FOXJ3: variants seen among roughly 807,000 people sequenced by gnomAD.
FOXJ3 encodes forkhead box J3.
In FOXJ3, 22 loss-of-function variants were observed where a neutral mutation model predicts 76.1. The observed-to-expected ratio is 0.29, with a 90% CI of 0.21 to 0.41. The LOEUF (loss-of-function observed/expected upper bound fraction) is 0.41, where lower values mean the gene tolerates loss of function less well. FOXJ3 is among the 10% of genes least tolerant of loss of function. The probability of loss-of-function intolerance (pLI) is 1.00; values close to 1 mark genes in which losing one functional copy is unlikely to be tolerated. For synonymous variants in FOXJ3, 269 were observed against 261.2 expected (o/e 1.03, Z -0.29); for missense variants, 613 against 762.1 (o/e 0.80, Z 2.30).
At chr1:42,187,819 G>A (rs1488437741) in intron 11 of FOXJ3, among the ~76,000 whole-genome samples, 1 of 152,212 alleles carries the variant, frequency 6.6e-6, no homozygotes, top group East Asian at 1.9e-4. Context: ...GAATCAAATA[G>A]TGACTGAAGG....
At position 42,244,460 on chromosome 1, in the gene FOXJ3, T is replaced by C. The variant is rs567528056; in HGVS notation, c.445-16494A>G. Among the ~76,000 whole-genome samples, 452 of 152,226 alleles carry C rather than the reference T, an allele frequency of 3.0e-3. 2 individuals are homozygous for C. Among genetic ancestry groups the C allele is most frequent in the Non-Finnish European group, 4.1e-3 (279 of 68,008 alleles). ...TTAGTCCTGGAGTTCATGGCTGCAA[T>C]GAGCTAGGATCGTGTCACTTCCCTC... On this transcript the variant is annotated intron_variant, in intron 4 of 12. Transcript: ENST00000361346.
rs1461362262 is a variant in FOXJ3 at position 42,220,668 on chromosome 1, C to T, written c.528+7215G>A. 7.9e-5 allele frequency among the ~76,000 whole-genome samples: 12 copies of T among 152,288 alleles called. No individual in the cohort carries two copies. The East Asian group carries it at 9.6e-4, about 12-fold the overall frequency. ...AGAACCGATGGATAAACATCCCACT[C>T]GTTGGCCTGCAGTTCTAAACTGCCT... On this transcript the variant is annotated intron_variant, in intron 5 of 12. Transcript: ENST00000361346.
intron 2 of FOXJ3, among the ~76,000 whole-genome samples, chr1:42,308,902 T>C (rs1333103085): frequency 2.0e-5 from 3 of 150,718 alleles, no homozygotes; most frequent in Non-Finnish European, 4.4e-5. Context: ...GTCAATTACA[T>C]TAATATATGA....
In FOXJ3 at chr1:42,291,087, C is replaced by CAGACAGAT. The variant is rs1553167266; in HGVS notation, c.45-12416_45-12415insATCTGTCT. Among the ~76,000 whole-genome samples the CAGACAGAT allele has an allele frequency of 2.3e-3, 328 of 140,818 alleles. 1 individual carries two copies. Among genetic ancestry groups the CAGACAGAT allele is most frequent in the African/African-American group, 8.6e-3 (313 of 36,598 alleles). 92.4% of individuals were successfully genotyped at this position (140,818 alleles called of 152,430 possible). On this transcript the variant is annotated intron_variant, in intron 2 of 12. Transcript: ENST00000361346. Reference sequence around the variant, plus strand: ...ATAGATAGATAGATAGATAGATAGACAGACAGACAGACAGATAGATCCACA... The same window carrying CAGACAGAT: ...ATAGATAGATAGATAGATAGATAGACAGACAGATAGACAGACAGACAGATAGATCCACA...
rs571197942 is a variant in FOXJ3, at chr1:42,278,524, T to G, written c.193A>C (p.Thr65Pro). The G allele has an allele frequency of 6.2e-7, 1 of 1,614,104 alleles. No homozygotes were observed. The highest frequency in any genetic ancestry group is 8.5e-7 in the Non-Finnish European group (1 of 1,180,018). ...KKNALLDPNT[T>P]LDQEEVQQHK... ...TGTTGGACTTCTTCCTGGTCCAGAG[T>G]TGTATTTGGGTCAAGGAGTGCATTC... Residue 65 changes from threonine (T) to proline (P), a missense_variant, in exon 3 of 13, where the codon ACT becomes CCT. Transcript: ENST00000361346.
intron 1 of FOXJ3, among the ~76,000 whole-genome samples, chr1:42,332,736 G>A (rs1656234560): frequency 6.6e-6 from 1 of 152,124 alleles, no homozygotes; most frequent in Non-Finnish European, 1.5e-5. Flanking sequence ...CACCAACACA[G>A]ATGATCTGAC....
At chr1:42,264,481 A>G (rs1253045747) in intron 4 of FOXJ3, among the ~76,000 whole-genome samples, 2 of 152,064 alleles carry the variant, frequency 1.3e-5, no homozygotes, top group African/African-American at 4.8e-5. Context: ...CTTCCCAATA[A>G]ATACACTGTC....
At chr1:42,262,827 C>A (rs992609108) in intron 4 of FOXJ3, among the ~76,000 whole-genome samples, 9 of 152,152 alleles carry the variant, frequency 5.9e-5, no homozygotes, top group African/African-American at 2.2e-4. Context: ...CCAGCCTGGG[C>A]AACAGAGTGA....
chr1:42,268,731 G>GGTAAAGTGCA (rs1651657249), intron 3 of FOXJ3, among the ~76,000 whole-genome samples: 1 of 152,068 alleles, frequency 6.6e-6, no homozygotes, highest in Non-Finnish European at 1.5e-5. Context: ...ACTATTTGAA[G>GGTAAAGTGCA]GTAAAGTGCA....
Position 42,231,045 on chromosome 1 carries a change from T to C in FOXJ3, c.445-3079A>G, listed in dbSNP as rs533760733. Among the ~76,000 whole-genome samples, 15 of 152,152 alleles carry C rather than the reference T, an allele frequency of 9.9e-5. No homozygotes were observed. In the South Asian group the frequency reaches 3.1e-3, roughly 32 times the overall value. ...GGAGGGATATTCTGGCCAGGCGCCG[T>C]GGCTCACGCCTGTAATCCCAACACT... is the stretch of plus-strand genomic sequence containing the variant. On this transcript the variant is annotated intron_variant, in intron 4 of 12. Coordinates refer to ENST00000361346, the MANE Select transcript of FOXJ3 (RefSeq NM_014947.5).
rs200874473 is a variant in FOXJ3 at position 42,230,332 on chromosome 1, C to CA, written c.445-2367dup. On this transcript the variant is annotated intron_variant, in intron 4 of 12. Coordinates refer to ENST00000361346, the MANE Select transcript of FOXJ3 (RefSeq NM_014947.5). ...TTATACCCACTAGCATGTCTATGAT[C>CA]AAAAAAAACAGAAAATAGCAGGTAC... Among the ~76,000 whole-genome samples, 759 of 151,594 alleles carry CA rather than the reference C, an allele frequency of 5.0e-3. 5 individuals carry two copies. The highest frequency in any genetic ancestry group is 0.016 in the African/African-American group (671 of 41,336).
At chr1:42,264,151 T>A (rs1054913968) in intron 4 of FOXJ3, among the ~76,000 whole-genome samples, 11 of 152,008 alleles carry the variant, frequency 7.2e-5, no homozygotes, top group African/African-American at 2.4e-4. Flanking sequence ...TGCAGCTCAA[T>A]ACTGAAAGAT....
intron 4 of FOXJ3, among the ~76,000 whole-genome samples, chr1:42,230,485 C>A (rs1647989001): frequency 6.6e-6 from 1 of 152,112 alleles, no homozygotes; most frequent in Admixed American, 6.5e-5. Context: ...GTCTAAAGCT[C>A]AAAATTAATT....
intron 11 of FOXJ3, among the ~76,000 whole-genome samples, chr1:42,183,892 G>C (rs1011639111): frequency 1.7e-4 from 26 of 152,028 alleles, no homozygotes; most frequent in Non-Finnish European, 7.3e-5. Context: ...GACAGAACCA[G>C]GACCAGAATT....
At position 42,324,104 on chromosome 1, in the gene FOXJ3, G is replaced by GTGTATAGTGTATATATACACTA. The variant is rs776964079; in HGVS notation, c.-18+10954_-18+10955insTAGTGTATATATACACTATACA. 5.6e-5 allele frequency among the ~76,000 whole-genome samples: 5 copies of GTGTATAGTGTATATATACACTA among 88,946 alleles called. 1 individual carries two copies. Among genetic ancestry groups the GTGTATAGTGTATATATACACTA allele is most frequent in the Admixed American group, 2.6e-4 (2 of 7,628 alleles). 58.4% of individuals were successfully genotyped at this position (88,946 alleles called of 152,430 possible). A position where few individuals can be genotyped will look rare whatever the true frequency, so the allele number is the denominator to read the frequency against. The stretch of plus-strand genomic sequence containing the variant: ...AGTATATATACTGTATATATACTGT[G>GTGTATAGTGTATATATACACTA]TATATACACTGTATATACACAGTGT... On this transcript the variant is annotated intron_variant, in intron 1 of 12. Transcript: ENST00000361346.
chr1:42,247,762 T>C (rs1649663974), intron 4 of FOXJ3, among the ~76,000 whole-genome samples: 1 of 152,066 alleles, frequency 6.6e-6, no homozygotes, highest in South Asian at 2.1e-4. Context: ...ACTGAAAACA[T>C]ACACAAGAAA....
chr1:42,181,900 C>T lies in FOXJ3; in HGVS notation c.1753+17G>A. ...ACACACACACACACACACACTCACT[C>T]TCTCTCTCTCTCTTACCTGCCATCG... On this transcript the variant is annotated intron_variant, in intron 12 of 12. Coordinates refer to ENST00000361346, the MANE Select transcript of FOXJ3 (RefSeq NM_014947.5). 7.0e-7 allele frequency: 1 copy of T among 1,430,884 alleles called. No homozygotes were observed. The highest frequency in any genetic ancestry group is 9.7e-7 in the Non-Finnish European group (1 of 1,031,814). 88.6% of individuals were successfully genotyped at this position (1,430,884 alleles called of 1,614,324 possible).
Position 42,215,138 on chromosome 1 carries a change from A to G in FOXJ3, c.529-9275T>C, listed in dbSNP as rs546810658. Among the ~76,000 whole-genome samples, 11 of 152,372 alleles carry G rather than the reference A, an allele frequency of 7.2e-5. No homozygotes were observed. The South Asian group carries it at 2.3e-3, about 32-fold the overall frequency. On this transcript the variant is annotated intron_variant, in intron 5 of 12. Transcript: ENST00000361346. ...AGAAAATACAGCCCATTCTTGGCAG[A>G]AAGGGAAATCTACAGATGCCCACTC...
At chr1:42,252,584 C>A (rs926063159) in intron 4 of FOXJ3, among the ~76,000 whole-genome samples, 1 of 149,866 alleles carries the variant, frequency 6.7e-6, no homozygotes, top group Non-Finnish European at 1.5e-5. Flanking sequence ...CTCCTGGATT[C>A]ATTAATTTTT....
Sources: allele counts gnomAD v4.1 joint callset (sites outside exome capture counted in the v4.1 genomes callset), GRCh38; gene constraint gnomAD v4.1.1; transcripts MANE v1.5; gene names NCBI Gene and HGNC (gene_info 2026-07-23, HGNC 2026-07-21).